NF1: variants seen among roughly 807,000 people sequenced by gnomAD.
NF1 encodes the protein neurofibromin.
In NF1, 122 loss-of-function variants were observed where a neutral mutation model predicts 325.7. That is an observed-to-expected ratio of 0.37 (90% confidence interval 0.32 to 0.44). The LOEUF is 0.44. Among genes scored for constraint, NF1 ranks in the 20% least tolerant of loss-of-function variants. The pLI is 1.00. For missense variants in NF1, 2,140 were observed against 3,415.4 expected (o/e 0.63, Z 9.31); for synonymous variants, 1,091 against 1,186.0 (o/e 0.92, Z 1.65).
intron 36 of NF1, chr17:31,295,888 G>T: frequency 6.2e-7 from 1 of 1,614,128 alleles, no homozygotes; most frequent in Non-Finnish European, 8.5e-7. Flanking sequence ...TGAGAACCTC[G>T]AGACTTCTTA....
chr17:31,159,445 A>G (rs1245260627), intron 3 of NF1, among the ~76,000 whole-genome samples: 2 of 152,186 alleles, frequency 1.3e-5, no homozygotes, highest in African/African-American at 2.4e-5. Flanking sequence ...TCCAAGAGTA[A>G]TCTTGTATTT....
rs142942453 is a variant in NF1 at position 31,143,310 on chromosome 17, A to G, written c.61-12673A>G. On this transcript the variant is annotated intron_variant, in intron 1 of 57. Transcript: ENST00000358273. ...TGAGACGGGTCTTGTTCTATCACCC[A>G]AGCTGGAGTGCTGTGGCGCAATTAT... is the stretch of plus-strand genomic sequence containing the variant. 1.1e-4 allele frequency among the ~76,000 whole-genome samples: 16 copies of G among 152,106 alleles called. No individual in the cohort carries two copies. The East Asian group carries it at 2.5e-3, about 24-fold the overall frequency.
At chr17:31,275,906 T>C (rs1325405234) in intron 36 of NF1, among the ~76,000 whole-genome samples, 1 of 152,118 alleles carries the variant, frequency 6.6e-6, no homozygotes, top group Admixed American at 6.5e-5. Context: ...TTATAAAGAA[T>C]AGGACACAGG....
intron 1 of NF1, among the ~76,000 whole-genome samples, chr17:31,141,077 A>G (rs1916176880): frequency 6.6e-6 from 1 of 152,230 alleles, no homozygotes; most frequent in Admixed American, 6.5e-5. Context: ...ATTTTTATTA[A>G]GTAATTTAGC....
chr17:31,152,031 C>A (rs572544360), intron 1 of NF1, among the ~76,000 whole-genome samples: 1 of 152,096 alleles, frequency 6.6e-6, no homozygotes, highest in Non-Finnish European at 1.5e-5. Context: ...ATTCCTCCCC[C>A]CTCCCCCTAC....
intron 48 of NF1, among the ~76,000 whole-genome samples, 197 bp from the exon 49 acceptor site, chr17:31,348,923 G>A (rs1442739540): frequency 1.3e-5 from 2 of 151,872 alleles, no homozygotes; most frequent in South Asian, 2.1e-4. Context: ...CACATTTTTG[G>A]TACTTAATCT....
intron 5 of NF1, among the ~76,000 whole-genome samples, chr17:31,171,788 C>T (rs1379084487): frequency 6.6e-6 from 1 of 152,064 alleles, no homozygotes; most frequent in African/African-American, 2.4e-5. Flanking sequence ...GTTTTAAATA[C>T]AACTCAACAA....
intron 36 of NF1, among the ~76,000 whole-genome samples, chr17:31,311,299 A>T (rs2068869628): frequency 1.3e-5 from 2 of 152,124 alleles, no homozygotes; most frequent in South Asian, 4.1e-4. Context: ...TAAAGGGTCC[A>T]GCATTTAAAA....
chr17:31,128,926 CAAA>C (rs35947890), intron 1 of NF1, among the ~76,000 whole-genome samples: 1 of 140,474 alleles, frequency 7.1e-6, no homozygotes. Context: ...GACTCCGTCT[CAAA>C]AAAAAAAAAA....
At chr17:31,210,020 A>T (rs999978067) in intron 12 of NF1, among the ~76,000 whole-genome samples, 3 of 152,184 alleles carry the variant, frequency 2.0e-5, no homozygotes, top group Non-Finnish European at 2.9e-5. Flanking sequence ...CTGAAGCTTA[A>T]ATAAAGTTAT....
intron 36 of NF1, among the ~76,000 whole-genome samples, chr17:31,275,500 T>A (rs896061805): frequency 6.6e-6 from 1 of 152,250 alleles, no homozygotes; most frequent in Non-Finnish European, 1.5e-5. Flanking sequence ...TTATTGTTTT[T>A]AATCTCTTAC....
intron 39 of NF1, among the ~76,000 whole-genome samples, chr17:31,332,576 T>TG (rs1457532671): frequency 2.0e-5 from 2 of 100,486 alleles, no homozygotes; most frequent in African/African-American, 5.7e-5. Flanking sequence ...AGATCATGGT[T>TG]TTTTTTTTTT....
chr17:31,355,406 T>A (rs2070247989), intron 51 of NF1, among the ~76,000 whole-genome samples: 1 of 152,194 alleles, frequency 6.6e-6, no homozygotes, highest in African/African-American at 2.4e-5. Flanking sequence ...GAAGCCGGAC[T>A]AGATCCCTTT....
Position 31,176,648 on chromosome 17 carries a change from G to GT in NF1, c.587-4771dup, listed in dbSNP as rs553635222. Reference sequence around the variant, plus strand: ...GGGTTTTTATGGTTTTAGGTCTTATGTTTAAGTCTTTAATCTATCTTGAGT... The same window carrying GT: ...GGGTTTTTATGGTTTTAGGTCTTATGTTTTAAGTCTTTAATCTATCTTGAGT... On this transcript the variant is annotated intron_variant, in intron 5 of 57. Transcript: ENST00000358273. Among the ~76,000 whole-genome samples, 360 of 152,212 alleles carry GT rather than the reference G, an allele frequency of 2.4e-3. 3 individuals are homozygous for GT. The highest frequency in any genetic ancestry group is 8.5e-3 in the African/African-American group (352 of 41,540).
intron 36 of NF1, among the ~76,000 whole-genome samples, chr17:31,280,516 CA>C (rs57193583): frequency 0.018 from 1,421 of 79,522 alleles, 6 homozygotes; most frequent in Middle Eastern, 0.037. Context: ...GACTCTGTCT[CA>C]AAAAAAAAAA....
At position 31,226,478 on chromosome 17, in the gene NF1, A is replaced by C. The variant is rs1304889984; in HGVS notation, c.2045A>C (p.Gln682Pro). ...GCSGTPPICR[Q>P]AQTKLEVALY... The stretch of plus-strand genomic sequence containing the variant: ...AGCGGAACCCCCCCGATTTGCCGAC[A>C]AGCCCAGACCAAACTAGAAGTGGCC... The change falls in exon 18 of 58, where the codon CAA (glutamine) becomes CCA (proline). Residue 682 changes from glutamine (Q) to proline (P), a missense_variant. Around this residue, in one of 10 missense-constraint regions of NF1, gnomAD observed 380 missense variants for 639.3 expected, o/e 0.59. Transcript: ENST00000358273. The C allele has an allele frequency of 6.2e-7, 1 of 1,613,782 alleles. No individual in the cohort carries two copies. The highest frequency in any genetic ancestry group is 8.5e-7 in the Non-Finnish European group (1 of 1,179,820).
At chr17:31,275,754 A>T (rs940907392) in intron 36 of NF1, among the ~76,000 whole-genome samples, 4 of 152,200 alleles carry the variant, frequency 2.6e-5, no homozygotes, top group African/African-American at 7.2e-5. Flanking sequence ...CGTCAGAATC[A>T]GTCATTTTAG....
At chr17:31,150,362 T>A (rs749240987) in intron 1 of NF1, among the ~76,000 whole-genome samples, 3 of 152,200 alleles carry the variant, frequency 2.0e-5, no homozygotes, top group Non-Finnish European at 4.4e-5. Context: ...AGTTCCCAGC[T>A]TAACAGTTAA....
chr17:31,138,741 A>ATT (rs143773612), intron 1 of NF1, among the ~76,000 whole-genome samples: 1,850 of 144,898 alleles, frequency 0.013, 22 homozygotes, highest in African/African-American at 0.03. Context: ...CTACAGGCTA[A>ATT]TTTTTTTTTT....
Sources: gnomAD v4.1 joint callset for allele counts (sites outside exome capture counted in the v4.1 genomes callset) on GRCh38, gnomAD v4.1.1 for gene constraint, gnomAD v4.1.1 regional missense constraint, MANE v1.5 for transcripts, NCBI Gene and HGNC (gene_info 2026-07-23, HGNC 2026-07-21) for gene names.